SLC9A2: variants seen among roughly 807,000 people sequenced by gnomAD.
SLC9A2 encodes the protein solute carrier family 9 member A2.
In SLC9A2, 42 loss-of-function variants were observed where a neutral mutation model predicts 71.7. The ratio of observed to expected loss-of-function variants is 0.59; its 90% confidence interval spans 0.46 to 0.76. SLC9A2 has a LOEUF of 0.76. SLC9A2 is among the 30% of genes least tolerant of loss of function. The pLI, the probability that SLC9A2 is intolerant of heterozygous loss-of-function variation, is 0.00. For missense variants in SLC9A2, 829 were observed against 1,017.4 expected (o/e 0.81, Z 2.52); for synonymous variants, 396 against 392.5 (o/e 1.01, Z -0.10).
intron 3 of SLC9A2, among the ~76,000 whole-genome samples, chr2:102,678,132 A>G (rs1677376751): frequency 6.6e-6 from 1 of 152,102 alleles, no homozygotes; most frequent in Non-Finnish European, 1.5e-5. Flanking sequence ...TCATTCTAGC[A>G]CGTACAGTGT....
chr2:102,620,032 C>A lies in SLC9A2; in HGVS notation c.184C>A (p.Leu62Met). Reference protein sequence around the residue: ...PASVVAPGTTLFEESRLPVFT... With the variant: ...PASVVAPGTTMFEESRLPVFT... ...GAGCGTGGTGGCTCCCGGAACGACG[C>A]TGTTCGAGGAGAGCCGGCTGCCTGT... The change falls in exon 1 of 12, where the codon CTG (leucine) becomes ATG (methionine). Residue 62 changes from leucine to methionine, a missense_variant. By Grantham distance (15) the Leu-to-Met change is conservative (BLOSUM62 2). Around this residue, in one of 3 missense-constraint regions of SLC9A2, gnomAD observed 106 missense variants for 93.5 expected, o/e 1.13. Coordinates refer to ENST00000233969, the MANE Select transcript of SLC9A2 (RefSeq NM_003048.6). 1 of 1,614,144 alleles carries A rather than the reference C, an allele frequency of 6.2e-7. No homozygotes were observed.
chr2:102,683,420 G>T lies in SLC9A2; in HGVS notation c.1164G>T (p.Glu388Asp), dbSNP rs771212860. 2.5e-6 allele frequency: 4 copies of T among 1,614,114 alleles called. No homozygotes were observed. Among genetic ancestry groups the T allele is most frequent in the Non-Finnish European group, 3.4e-6 (4 of 1,180,044 alleles). ...MGVSTVGKNHEWNWAFVCFTL... is the reference protein window; with the variant it reads ...MGVSTVGKNHDWNWAFVCFTL... ...TGTCTACCGTGGGCAAGAACCACGAGTGGAACTGGGCCTTCGTCTGCTTCA... is the reference window on the plus strand; with the variant it reads ...TGTCTACCGTGGGCAAGAACCACGATTGGAACTGGGCCTTCGTCTGCTTCA... Residue 388 changes from glutamate to aspartate, a missense_variant, in exon 4 of 12, where the codon GAG becomes GAT. Around this residue, in one of 3 missense-constraint regions of SLC9A2, gnomAD observed 500 missense variants for 726.3 expected, o/e 0.69. Transcript: ENST00000233969.
intron 1 of SLC9A2, among the ~76,000 whole-genome samples, chr2:102,631,256 C>A (rs1238881326): frequency 6.6e-6 from 1 of 151,456 alleles, no homozygotes. Flanking sequence ...TGACATATTT[C>A]TTTTCCTTCC....
chr2:102,640,889 C>T lies in SLC9A2; in HGVS notation c.290-16675C>T, dbSNP rs544813456. On this transcript the variant is annotated intron_variant, in intron 1 of 11. Transcript: ENST00000233969. Reference sequence around the variant, plus strand: ...TCATCTCATTAGCATACAAAAGACACTTATCACTCCAGGGATTCTGAAAGT... The same window carrying T: ...TCATCTCATTAGCATACAAAAGACATTTATCACTCCAGGGATTCTGAAAGT... 1.1e-4 allele frequency among the ~76,000 whole-genome samples: 16 copies of T among 152,344 alleles called. No homozygotes were observed. In the East Asian group the frequency reaches 2.5e-3, roughly 24 times the overall value.
chr2:102,664,025 T>A (rs1677091574), intron 2 of SLC9A2, among the ~76,000 whole-genome samples: 1 of 152,014 alleles, frequency 6.6e-6, no homozygotes, highest in Non-Finnish European at 1.5e-5. Flanking sequence ...CCTGTAATCC[T>A]AGCATTTTGG....
At chr2:102,670,590 T>TC (rs1392404280) in intron 3 of SLC9A2, among the ~76,000 whole-genome samples, 23 of 51,960 alleles carry the variant, frequency 4.4e-4, no homozygotes, top group Middle Eastern at 0.015. Context: ...CAATATCCCC[T>TC]CCCCCCACCA....
chr2:102,652,395 T>TCGTA (rs1293388667), intron 1 of SLC9A2, among the ~76,000 whole-genome samples: 2 of 152,082 alleles, frequency 1.3e-5, no homozygotes, highest in Admixed American at 6.5e-5. Flanking sequence ...CCCAAGCACC[T>TCGTA]CGTAACCAGG....
chr2:102,703,296 A>G (rs1453547566), intron 9 of SLC9A2, among the ~76,000 whole-genome samples: 2 of 152,148 alleles, frequency 1.3e-5, no homozygotes, highest in Admixed American at 6.5e-5. Context: ...TTTGGACTCT[A>G]TTTCCAAGTT....
chr2:102,643,253 A>C (rs1269188646), intron 1 of SLC9A2, among the ~76,000 whole-genome samples: 3 of 151,988 alleles, frequency 2.0e-5, no homozygotes, highest in East Asian at 3.9e-4. Context: ...AGAGAAGAAA[A>C]TCCCTCTTCT....
At chr2:102,632,241 T>C (rs1196280698) in intron 1 of SLC9A2, among the ~76,000 whole-genome samples, 2 of 142,722 alleles carry the variant, frequency 1.4e-5, no homozygotes, top group African/African-American at 2.6e-5. Context: ...ATATAATACA[T>C]ATATATATAT....
chr2:102,658,709 T>A (rs1676993836), intron 2 of SLC9A2, among the ~76,000 whole-genome samples: 2 of 151,952 alleles, frequency 1.3e-5, no homozygotes, highest in African/African-American at 4.8e-5. Flanking sequence ...TCAGGGGCTG[T>A]TATGATCTTA....
chr2:102,653,636 C>T (rs1302191787), intron 1 of SLC9A2, among the ~76,000 whole-genome samples: 1 of 152,148 alleles, frequency 6.6e-6, no homozygotes, highest in African/African-American at 2.4e-5. Flanking sequence ...TTCCATTCTC[C>T]AACCTTAGGA....
At chr2:102,664,048 G>T (rs935121219) in intron 2 of SLC9A2, among the ~76,000 whole-genome samples, 2 of 152,036 alleles carry the variant, frequency 1.3e-5, no homozygotes, top group Admixed American at 6.6e-5. Flanking sequence ...GGCCGAGGTG[G>T]GTGGATCTCT....
intron 3 of SLC9A2, among the ~76,000 whole-genome samples, chr2:102,677,634 G>A (rs1224387876): frequency 1.3e-5 from 2 of 152,144 alleles, no homozygotes; most frequent in Non-Finnish European, 2.9e-5. Context: ...TATTCATATT[G>A]CACCACCATT....
intron 3 of SLC9A2, among the ~76,000 whole-genome samples, chr2:102,675,404 T>C (rs956127882): frequency 6.6e-6 from 1 of 152,212 alleles, no homozygotes; most frequent in Admixed American, 6.5e-5. Context: ...ACAATTGTAT[T>C]TCTGTTTTAT....
chr2:102,680,432 C>G (rs918274364), intron 3 of SLC9A2, among the ~76,000 whole-genome samples: 1 of 152,034 alleles, frequency 6.6e-6, no homozygotes, highest in Admixed American at 6.5e-5. Context: ...GCGAGATGCC[C>G]GATATTGGCT....
chr2:102,657,687 C>T lies in SLC9A2; in HGVS notation c.413C>T (p.Thr138Ile), dbSNP rs1364724525. The stretch of plus-strand genomic sequence containing the variant: ...GAGAAGTCTCCCCCTGCAATGAAGA[C>T]TGATGTATTTTTCTTGTACCTCCTC... Reference protein sequence around the residue: ...VDEKSPPAMKTDVFFLYLLPP... With the variant: ...VDEKSPPAMKIDVFFLYLLPP... The change falls in exon 2 of 12, where the codon ACT (threonine) becomes ATT (isoleucine). Residue 138 changes from threonine (T) to isoleucine (I), a missense_variant. Thr to Ile is a moderately conservative substitution (Grantham distance 89). Coordinates refer to ENST00000233969, the MANE Select transcript of SLC9A2 (RefSeq NM_003048.6). 6.2e-7 allele frequency: 1 copy of T among 1,613,992 alleles called. No homozygotes were observed. The highest frequency in any genetic ancestry group is 8.5e-7 in the Non-Finnish European group (1 of 1,179,978).
At position 102,708,151 on chromosome 2, in the gene SLC9A2, G is replaced by A. The variant is rs1421533589; in HGVS notation, c.2101G>A (p.Gly701Arg). 2 of 1,613,754 alleles carry A rather than the reference G, an allele frequency of 1.2e-6. No individual in the cohort carries two copies. Among genetic ancestry groups the A allele is most frequent in the South Asian group, 1.1e-5 (1 of 91,036 alleles). ...TAGCAGCGACTCAGACGCAGATGCC[G>A]GGACCACCGTGCTCAATTTGCAGCC... is the stretch of plus-strand genomic sequence containing the variant. Reference protein sequence around the residue: ...GNSSDSDADAGTTVLNLQPRA... With the variant: ...GNSSDSDADARTTVLNLQPRA... The change falls in exon 12 of 12, where the codon GGG becomes AGG. Residue 701 changes from glycine to arginine, a missense_variant. Around this residue, in one of 3 missense-constraint regions of SLC9A2, gnomAD observed 223 missense variants for 197.5 expected, o/e 1.13. Transcript: ENST00000233969.
intron 1 of SLC9A2, among the ~76,000 whole-genome samples, chr2:102,627,892 C>T (rs1676280575): frequency 6.6e-6 from 1 of 152,104 alleles, no homozygotes; most frequent in Non-Finnish European, 1.5e-5. Flanking sequence ...ATATTATTTT[C>T]AATAGTTTCT....
Sources: allele counts gnomAD v4.1 joint callset (sites outside exome capture counted in the v4.1 genomes callset), GRCh38; gene constraint gnomAD v4.1.1; regional missense constraint gnomAD v4.1.1; transcripts MANE v1.5; gene names NCBI Gene and HGNC (gene_info 2026-07-23, HGNC 2026-07-21).